Variants in ADGRG5 observed in about 807,000 individuals in gnomAD.
ADGRG5 encodes the protein G protein-coupled receptor 114.
Under a neutral mutation model 53.2 loss-of-function variants are expected in ADGRG5, and 37 were observed. The ratio of observed to expected loss-of-function variants is 0.70; its 90% CI spans 0.53 to 0.91. The LOEUF (loss-of-function observed/expected upper bound fraction) is 0.91. ADGRG5 is among the 40% of genes least tolerant of loss of function. The pLI, the probability that ADGRG5 is intolerant of heterozygous loss-of-function variation, is 0.00. For missense variants in ADGRG5, 614 were observed against 675.8 expected, an observed-to-expected ratio of 0.91 and a Z score of 1.01; for synonymous variants, 277 against 290.4, an observed-to-expected ratio of 0.95 and a Z score of 0.47.
chr16:57,550,159 T>C (rs2032713751), intron 1 of ADGRG5, among the ~76,000 whole-genome samples: 1 of 152,186 alleles, frequency 6.6e-6, no homozygotes, highest in African/African-American at 2.4e-5. Context: ...GTATTTTTAG[T>C]AGAGACAGGG....
intron 4 of ADGRG5, 145 bp from the exon 5 acceptor site, chr16:57,563,703 T>C (rs2033060570): frequency 5.0e-6 from 5 of 1,003,854 alleles, no homozygotes; most frequent in East Asian, 4.8e-5. Flanking sequence ...CTTGGGAAGT[T>C]TGGGAGGAGA....
Position 57,575,916 on chromosome 16 carries a change from C to T in ADGRG5, c.*378C>T. 5.3e-6 allele frequency: 1 copy of T among 187,908 alleles called. No homozygotes were observed. The highest frequency in any genetic ancestry group is 5.4e-5 in the Admixed American group (1 of 18,688). The allele number at this position is 187,908 out of a possible 1,614,324, so 11.6% of individuals were successfully genotyped here. A position where few individuals can be genotyped will look rare whatever the true frequency, so the allele number is the denominator to read the frequency against. On this transcript the variant is annotated 3_prime_UTR_variant, in exon 12 of 12. Coordinates refer to ENST00000349457, the MANE Select transcript of ADGRG5 (RefSeq NM_001304376.3). ...TCTCACAGACCCTAGGTATCCACAG[C>T]TGTGACATGGGGGCAAGCGGCTTTG...
chr16:57,570,487 C>G lies in ADGRG5; in HGVS notation c.1160C>G (p.Pro387Arg). 6.2e-7 allele frequency: 1 copy of G among 1,613,650 alleles called. No homozygotes were observed. Among genetic ancestry groups the G allele is most frequent in the Non-Finnish European group, 8.5e-7 (1 of 1,179,980 alleles). Residue 387 changes from proline to arginine, a missense_variant, in exon 10 of 12, where the codon CCC becomes CGC. Coordinates refer to ENST00000349457, the MANE Select transcript of ADGRG5 (RefSeq NM_001304376.3). ...KSSVYGPCTI[P>R]VFDSWENGTG... The stretch of plus-strand genomic sequence containing the variant: ...TCGGTATACGGACCCTGCACAATCC[C>G]CGTCTTCGACAGCTGGGAGAATGGC...
Position 57,575,700 on chromosome 16 carries a change from G to A in ADGRG5, c.*162G>A. 1 of 605,544 alleles carries A rather than the reference G, an allele frequency of 1.7e-6. No homozygotes were observed. Among genetic ancestry groups the A allele is most frequent in the Non-Finnish European group, 2.9e-6 (1 of 340,738 alleles). The allele number at this position is 605,544 out of a possible 1,614,324, so 37.5% of individuals were successfully genotyped here. A position where few individuals can be genotyped will look rare whatever the true frequency, so the allele number is the denominator to read the frequency against. On this transcript the variant is annotated 3_prime_UTR_variant, in exon 12 of 12. Transcript: ENST00000349457. ...CCACGGCCTCTCCAGGCACTGAGGG[G>A]AAGGCATTGCTCTACCTCTCCCTGA...
chr16:57,563,167 A>C lies in ADGRG5; in HGVS notation c.217A>C (p.Ile73Leu). Residue 73 changes from isoleucine (I) to leucine (L), a missense_variant, in exon 4 of 12, where the codon ATC becomes CTC. Transcript: ENST00000349457. ...GYNLTLQTPT[I>L]QSLAFKLSCD... ...CAACCTGACCTTGCAGACACCCACC[A>C]TCCAGTCTCTGGCCTTCAAGCTGAG... The C allele has an allele frequency of 6.2e-7, 1 of 1,614,096 alleles. No individual in the cohort carries two copies. Among genetic ancestry groups the C allele is most frequent in the South Asian group, 1.1e-5 (1 of 91,074 alleles).
intron 1 of ADGRG5, chr16:57,543,068 G>A (rs2032525407): frequency 1.3e-5 from 2 of 152,182 alleles, no homozygotes; most frequent in Non-Finnish European, 2.9e-5. Context: ...ATGGCTGTCA[G>A]GGGCTCAGTA....
intron 5 of ADGRG5, among the ~76,000 whole-genome samples, chr16:57,564,456 C>G (rs576976126): frequency 2.0e-5 from 3 of 152,244 alleles, no homozygotes; most frequent in African/African-American, 7.2e-5. Context: ...CGTGTGCCAT[C>G]ATGCCCAGCT....
chr16:57,570,368 C>G lies in ADGRG5; in HGVS notation c.1091-50C>G. 3.2e-6 allele frequency: 4 copies of G among 1,266,660 alleles called. No individual in the cohort carries two copies. In the South Asian group the frequency reaches 4.8e-5, roughly 15 times the overall value. 78.5% of individuals were successfully genotyped at this position (1,266,660 alleles called of 1,614,324 possible). A position where few individuals can be genotyped will look rare whatever the true frequency, so the allele number is the denominator to read the frequency against. Reference sequence around the variant, plus strand: ...CAGCCCCAGGGACCGCCCCAGGGACCGAGGGTCAGCCCTCTCCCACATCTC... The same window carrying G: ...CAGCCCCAGGGACCGCCCCAGGGACGGAGGGTCAGCCCTCTCCCACATCTC... On this transcript the variant is annotated intron_variant, in intron 9 of 11. Coordinates refer to ENST00000349457, the MANE Select transcript of ADGRG5 (RefSeq NM_001304376.3).
chr16:57,541,481 C>T (rs2032489348), upstream of ADGRG5, among the ~76,000 whole-genome samples: 1 of 152,206 alleles, frequency 6.6e-6, no homozygotes, highest in Admixed American at 6.5e-5. Context: ...GGTGTCCCTG[C>T]AAAACCTTCA....
At chr16:57,540,243 GACAAACAA>G (rs372707540), upstream of ADGRG5, among the ~76,000 whole-genome samples, 1 of 152,076 alleles carries the variant, frequency 6.6e-6, no homozygotes, top group African/African-American at 2.4e-5. Flanking sequence ...CTCTGTCTCA[GACAAACAA>G]ACAAACAAAC....
intron 1 of ADGRG5, among the ~76,000 whole-genome samples, chr16:57,549,571 A>C (rs777428911): frequency 6.6e-6 from 1 of 152,198 alleles, no homozygotes; most frequent in African/African-American, 2.4e-5. Context: ...TTGTCTATAG[A>C]GGTATACATA....
At chr16:57,541,706 AG>A (rs2032493599), upstream of ADGRG5, among the ~76,000 whole-genome samples, 2 of 152,048 alleles carry the variant, frequency 1.3e-5, no homozygotes, top group South Asian at 4.1e-4. Flanking sequence ...CACATTCCTG[AG>A]TCAGTTTTCC....
At chr16:57,534,961 G>T in the ADGRG5 span, among the ~76,000 whole-genome samples, 1 of 152,202 alleles carries the variant, frequency 6.6e-6, no homozygotes, top group South Asian at 2.1e-4. Context: ...CAATGCCAAG[G>T]CCTGGACAGG....
the ADGRG5 span, among the ~76,000 whole-genome samples, chr16:57,537,027 C>T: frequency 1.8e-3 from 275 of 152,284 alleles, no homozygotes; most frequent in South Asian, 3.7e-3. Context: ...GCCCATCGGG[C>T]CTCAGTTTCT....
rs768411921 is a variant in ADGRG5 at position 57,546,786 on chromosome 16, A to G, written c.-39+4085A>G. Among the ~76,000 whole-genome samples the G allele has an allele frequency of 4.0e-4, 61 of 152,094 alleles. 2 individuals are homozygous for G. The highest frequency in any genetic ancestry group is 6.8e-3 in the Middle Eastern group (2 of 292). On this transcript the variant is annotated intron_variant, in intron 1 of 11. Coordinates refer to ENST00000349457, the MANE Select transcript of ADGRG5 (RefSeq NM_001304376.3). ...CAGGCTGGAGTGCAGTGGCACAATC[A>G]TAGCTCACTGCAGCCTCAACCTCCC...
intron 1 of ADGRG5, among the ~76,000 whole-genome samples, chr16:57,560,296 G>T (rs2146789129): frequency 6.6e-6 from 1 of 152,256 alleles, no homozygotes; most frequent in East Asian, 1.9e-4. Context: ...CATTTTGTTG[G>T]AGCACATCCT....
chr16:57,556,332 A>G (rs1477898622), intron 1 of ADGRG5, among the ~76,000 whole-genome samples: 1 of 152,174 alleles, frequency 6.6e-6, no homozygotes, highest in Non-Finnish European at 1.5e-5. Flanking sequence ...TTGGGTTTAT[A>G]TCTACCATCT....
intron 1 of ADGRG5, among the ~76,000 whole-genome samples, chr16:57,545,649 T>C (rs1288709181): frequency 6.6e-6 from 1 of 152,256 alleles, no homozygotes; most frequent in Non-Finnish European, 1.5e-5. Context: ...GAGCTTTCCA[T>C]GTCAATAAGA....
chr16:57,550,096 A>C (rs554159738), intron 1 of ADGRG5, among the ~76,000 whole-genome samples: 2 of 151,664 alleles, frequency 1.3e-5, no homozygotes, highest in South Asian at 4.2e-4. Flanking sequence ...CCTGCCTTAG[A>C]CTCTTGAGCA....
Sources: allele counts gnomAD v4.1 joint callset (sites outside exome capture counted in the v4.1 genomes callset), GRCh38; gene constraint gnomAD v4.1.1; transcripts MANE v1.5; gene names NCBI Gene and HGNC (gene_info 2026-07-23, HGNC 2026-07-21).